Variants in CHKA observed in about 807,000 individuals in gnomAD.
The protein encoded by CHKA is choline kinase alpha, also known as CHETK-alpha.
In CHKA, 34 loss-of-function variants were observed where a neutral mutation model predicts 60.1. The ratio of observed to expected loss-of-function variants is 0.57; its 90% CI spans 0.43 to 0.75. The LOEUF is 0.75. Ranked by LOEUF, CHKA falls within the 30% of genes least tolerant of loss-of-function variation. The pLI is 0.00. For synonymous variants in CHKA, 217 were observed against 223.1 expected, an observed-to-expected ratio of 0.97 and a Z score of 0.24; for missense variants, 563 against 561.3, an observed-to-expected ratio of 1.00 and a Z score of -0.03.
chr11:68,096,975 A>G (rs1309074061), intron 2 of CHKA, 44 bp downstream of exon 2: 1 of 1,366,280 alleles, frequency 7.3e-7, no homozygotes, highest in South Asian at 1.2e-5. Flanking sequence ...AGGATTTAAA[A>G]TGTTAACAGG....
intron 3 of CHKA, among the ~76,000 whole-genome samples, chr11:68,077,395 G>A (rs1475372116): frequency 6.6e-6 from 1 of 152,198 alleles, no homozygotes; most frequent in Non-Finnish European, 1.5e-5. Context: ...CTGAAAGTGA[G>A]CATGGTAAAA....
intron 2 of CHKA, among the ~76,000 whole-genome samples, chr11:68,090,590 A>C (rs1274494828): frequency 1.3e-5 from 2 of 152,242 alleles, no homozygotes; most frequent in Admixed American, 6.5e-5. Context: ...ACTGGGGCTA[A>C]GAGAAAATAG....
At chr11:68,066,342 G>A (rs1289296891) in intron 8 of CHKA, 87 bp downstream of exon 8, 1 of 1,162,810 alleles carries the variant, frequency 8.6e-7, no homozygotes, top group African/African-American at 1.5e-5. Context: ...GCGGCATTTT[G>A]ACTTATTTTC....
At chr11:68,076,484 C>T (rs1194911477) in intron 3 of CHKA, among the ~76,000 whole-genome samples, 3 of 152,104 alleles carry the variant, frequency 2.0e-5, no homozygotes, top group African/African-American at 7.2e-5. Context: ...TCTGCAAAGC[C>T]TCCTCCAAGT....
intron 3 of CHKA, among the ~76,000 whole-genome samples, chr11:68,076,358 T>C (rs1489716619): frequency 6.6e-6 from 1 of 152,220 alleles, no homozygotes; most frequent in Non-Finnish European, 1.5e-5. Flanking sequence ...CTCTATTTAG[T>C]TGTCAAAAGG....
intron 2 of CHKA, among the ~76,000 whole-genome samples, chr11:68,093,984 C>T (rs927160411): frequency 2.0e-5 from 3 of 152,200 alleles, no homozygotes; most frequent in African/African-American, 7.2e-5. Flanking sequence ...ACTCCCATCA[C>T]TATAGCACTG....
intron 6 of CHKA, among the ~76,000 whole-genome samples, chr11:68,069,355 G>A (rs1163201285): frequency 6.6e-6 from 1 of 152,164 alleles, no homozygotes. Flanking sequence ...CGATCATCAA[G>A]CCTAGCAGAG....
intron 2 of CHKA, among the ~76,000 whole-genome samples, chr11:68,085,514 A>T (rs1857150635): frequency 6.6e-6 from 1 of 152,058 alleles, no homozygotes; most frequent in Non-Finnish European, 1.5e-5. Flanking sequence ...AGCCACCATG[A>T]CCAGCCTGAA....
At chr11:68,081,676 G>C (rs1856994014) in intron 2 of CHKA, 1 of 485,800 alleles carries the variant, frequency 2.1e-6, no homozygotes. Flanking sequence ...CGAGAAAAGG[G>C]ATGTGCCGGT....
intron 10 of CHKA, among the ~76,000 whole-genome samples, chr11:68,063,812 A>C (rs887658048): frequency 2.6e-5 from 4 of 152,008 alleles, no homozygotes; most frequent in Non-Finnish European, 5.9e-5. Context: ...CTTCTTCTCT[A>C]TCTCTCTGCC....
chr11:68,053,094 C>G lies in CHKA; in HGVS notation c.*894G>C, dbSNP rs375437302. The G allele has an allele frequency of 6.6e-6, 1 of 152,406 alleles. No individual in the cohort carries two copies. Among genetic ancestry groups the G allele is most frequent in the Non-Finnish European group, 1.5e-5 (1 of 68,054 alleles). The allele number at this position is 152,406 out of a possible 1,614,324, so 9.4% of individuals were successfully genotyped here. A position where few individuals can be genotyped will look rare whatever the true frequency, so the allele number is the denominator to read the frequency against. On this transcript the variant is annotated 3_prime_UTR_variant, in exon 12 of 12. Coordinates refer to ENST00000265689, the MANE Select transcript of CHKA (RefSeq NM_001277.3). ...CAGGGGCATCAGGAAAGGTAAGGGC[C>G]GGGAAACCGGGCCCTTGGAGAACCC...
chr11:68,076,156 A>T (rs926235411), intron 3 of CHKA, among the ~76,000 whole-genome samples: 1 of 152,214 alleles, frequency 6.6e-6, no homozygotes, highest in Admixed American at 6.5e-5. Context: ...GTCTACAACC[A>T]TCATTCGTAT....
At position 68,065,908 on chromosome 11, in the gene CHKA, T is replaced by C; in HGVS notation, c.1017-14A>G. The C allele has an allele frequency of 6.4e-7, 1 of 1,567,392 alleles. No homozygotes were observed. Among genetic ancestry groups the C allele is most frequent in the Non-Finnish European group, 8.8e-7 (1 of 1,140,900 alleles). ...ATGTCGAATCCCCTGAAATAAGACA[T>C]AAGACAGTGCACACAATGAGGCAAA... On this transcript the variant is annotated splice_polypyrimidine_tract_variant and intron_variant, in intron 8 of 11. Coordinates refer to ENST00000265689, the MANE Select transcript of CHKA (RefSeq NM_001277.3).
At chr11:68,116,488 C>T (rs1185998453) in intron 1 of CHKA, among the ~76,000 whole-genome samples, 3 of 151,674 alleles carry the variant, frequency 2.0e-5, no homozygotes, top group Non-Finnish European at 4.4e-5. Context: ...CCAAAGCAGG[C>T]GGATCATGAG....
In CHKA at chr11:68,064,973, G is replaced by C. The variant is rs79796451; in HGVS notation, c.1126-342C>G. Among the ~76,000 whole-genome samples, 1,106 of 152,282 alleles carry C rather than the reference G, an allele frequency of 7.3e-3. 9 individuals are homozygous for C. The highest frequency in any genetic ancestry group is 0.011 in the Non-Finnish European group (776 of 68,020). ...ACTCAGCTTCAGCACCGCTACCAAG[G>C]TTTCAGTGCTGGGCTGAGGAATGGG... On this transcript the variant is annotated intron_variant, in intron 9 of 11. Transcript: ENST00000265689.
Position 68,120,989 on chromosome 11 carries a change from C to T in CHKA, c.189G>A (p.Leu63=), listed in dbSNP as rs1858622743. ...PPLALPPPPP[L]PLPLPLPQPP... The stretch of plus-strand genomic sequence containing the variant: ...GCTGGGGCAGCGGCAGCGGCAGCGG[C>T]AGCGGCGGCGGAGGGGGCAGCGCGA... Residue 63 remains leucine, a synonymous_variant, in exon 1 of 12, where the codon CTG becomes CTA. Transcript: ENST00000265689. 8.9e-7 allele frequency: 1 copy of T among 1,119,566 alleles called. No individual in the cohort carries two copies. Among genetic ancestry groups the T allele is most frequent in the South Asian group, 4.3e-5 (1 of 23,410 alleles). The allele number at this position is 1,119,566 out of a possible 1,614,324, so 69.4% of individuals were successfully genotyped here. A position where few individuals can be genotyped will look rare whatever the true frequency, so the allele number is the denominator to read the frequency against.
intron 10 of CHKA, among the ~76,000 whole-genome samples, chr11:68,063,492 C>CAA (rs34360525): frequency 9.8e-4 from 141 of 143,938 alleles, no homozygotes; most frequent in African/African-American, 2.9e-3. Flanking sequence ...GACTCCATCT[C>CAA]AAAAAAAAAA....
At chr11:68,114,622 G>T (rs540774017) in intron 1 of CHKA, among the ~76,000 whole-genome samples, 1 of 151,832 alleles carries the variant, frequency 6.6e-6, no homozygotes, top group African/African-American at 2.4e-5. Context: ...GCCTGAACCC[G>T]GAAGGCGGAG....
intron 1 of CHKA, among the ~76,000 whole-genome samples, chr11:68,119,929 T>C (rs1361703989): frequency 6.6e-6 from 1 of 151,960 alleles, no homozygotes; most frequent in Non-Finnish European, 1.5e-5. Context: ...ATTTTCAAGT[T>C]TAAAAAAAGG....
Sources: allele counts gnomAD v4.1 joint callset (sites outside exome capture counted in the v4.1 genomes callset), GRCh38; gene constraint gnomAD v4.1.1; transcripts MANE v1.5; gene names NCBI Gene and HGNC (gene_info 2026-07-23, HGNC 2026-07-21).